Variants in TSBP1 observed in about 807,000 individuals in gnomAD.
The protein encoded by TSBP1 is testis expressed basic protein 1.
TSBP1 carries 56 observed loss-of-function variants against 68.8 expected under a neutral mutation model. The ratio of observed to expected loss-of-function variants is 0.81; its 90% confidence interval spans 0.66 to 1.02. The LOEUF (loss-of-function observed/expected upper bound fraction) is 1.02. Ranked by LOEUF, TSBP1 falls within the 50% of genes least tolerant of loss-of-function variation. The pLI, the probability that TSBP1 is intolerant of heterozygous loss-of-function variation, is 0.00. For synonymous variants in TSBP1, 171 were observed against 208.7 expected, an observed-to-expected ratio of 0.82 and a Z score of 1.56; for missense variants, 502 against 641.2, an observed-to-expected ratio of 0.78 and a Z score of 2.34.
intron 19 of TSBP1, among the ~76,000 whole-genome samples, chr6:32,312,585 G>A (rs567656632): frequency 6.6e-6 from 1 of 152,292 alleles, no homozygotes; most frequent in East Asian, 1.9e-4. Context: ...AGTCCTAAAT[G>A]TTCCAGGCAT....
At chr6:32,356,141 A>G (rs1772298768) in intron 6 of TSBP1, among the ~76,000 whole-genome samples, 1 of 152,248 alleles carries the variant, frequency 6.6e-6, no homozygotes, top group Non-Finnish European at 1.5e-5. Flanking sequence ...AGCAAATTAC[A>G]TGGAAAACTA....
At chr6:32,293,088 T>C (rs1301289558) in exon 23 of TSBP1, 1 of 1,609,980 alleles carries the variant, frequency 6.2e-7, no homozygotes, top group East Asian at 2.2e-5. Context: ...CCTTTAACTT[T>C]GTCCTTTCCT....
At chr6:32,327,210 G>A (rs934064621) in intron 16 of TSBP1, among the ~76,000 whole-genome samples, 2 of 152,204 alleles carry the variant, frequency 1.3e-5, no homozygotes, top group Non-Finnish European at 2.9e-5. Context: ...AGACAGAAAT[G>A]AGCAGAGAGG....
chr6:32,300,165 G>C (rs936007489), intron 21 of TSBP1, among the ~76,000 whole-genome samples: 1 of 151,970 alleles, frequency 6.6e-6, no homozygotes, highest in Non-Finnish European at 1.5e-5. Context: ...ATCTTGGGTA[G>C]GTAAAATCAC....
At chr6:32,311,316 A>AAT (rs1766378973) in intron 19 of TSBP1, among the ~76,000 whole-genome samples, 1 of 152,166 alleles carries the variant, frequency 6.6e-6, no homozygotes, top group Non-Finnish European at 1.5e-5. Flanking sequence ...TTCAGACTCA[A>AAT]ATATTTAATT....
At chr6:32,326,093 G>A (rs1768192857) in intron 16 of TSBP1, 1 of 1,405,394 alleles carries the variant, frequency 7.1e-7, no homozygotes, top group Non-Finnish European at 1.0e-6. Flanking sequence ...GGTGGTGGAG[G>A]CCAATACTTT....
chr6:32,353,242 AG>A (rs1397042282), intron 8 of TSBP1, among the ~76,000 whole-genome samples: 1 of 151,998 alleles, frequency 6.6e-6, no homozygotes. Flanking sequence ...AGAGCACAGC[AG>A]GGTGGCTAGA....
At chr6:32,355,581 C>A in intron 7 of TSBP1, 68 bp downstream of exon 7, 1 of 1,565,466 alleles carries the variant, frequency 6.4e-7, no homozygotes, top group Non-Finnish European at 8.7e-7. Flanking sequence ...TCCTCCAAAG[C>A]ATTTACAATC....
exon 23 of TSBP1, chr6:32,293,235 C>T: frequency 6.2e-7 from 1 of 1,612,826 alleles, no homozygotes; most frequent in Non-Finnish European, 8.5e-7. Context: ...CCTTTTAGTA[C>T]ACCTGACTCA....
intron 8 of TSBP1, among the ~76,000 whole-genome samples, chr6:32,353,244 G>C (rs1204298462): frequency 6.6e-6 from 1 of 151,790 alleles, no homozygotes; most frequent in African/African-American, 2.4e-5. Context: ...AGCACAGCAG[G>C]GTGGCTAGAT....
At chr6:32,301,132 G>A (rs1157272588) in intron 20 of TSBP1, among the ~76,000 whole-genome samples, 4 of 151,914 alleles carry the variant, frequency 2.6e-5, no homozygotes, top group Non-Finnish European at 4.4e-5. Flanking sequence ...GGGTTCAAGC[G>A]ATCCTCCAGT....
Position 32,361,151 on chromosome 6 carries a change from T to C in TSBP1, c.217+5016A>G, listed in dbSNP as rs1425260056. Among the ~76,000 whole-genome samples the C allele has an allele frequency of 1.7e-4, 26 of 152,166 alleles. No individual in the cohort carries two copies. ...AGTGTTTGGTTTTCTGTCCTTGCAA[T>C]AGTTTGCTGAGAATGATGGTTTCCA... On this transcript the variant is annotated intron_variant, in intron 6 of 22. Transcript: ENST00000612031. The surrounding 1 kb of genome is among the most constrained non-coding windows in gnomAD (Gnocchi z 4.3).
Position 32,292,703 on chromosome 6 carries a change from A to G in TSBP1, c.*278T>C. On this transcript the variant is annotated 3_prime_UTR_variant, in exon 23 of 23. Transcript: ENST00000612031. This position sits in a 1 kb window ranked among gnomAD's most constrained non-coding sequence, Gnocchi z 4.1. ...GACATACTTGTCAAAGGAAATTACT[A>G]TATATTTCTTTAATTAAAATGTTTT... 2.4e-6 allele frequency: 1 copy of G among 410,466 alleles called. No homozygotes were observed. The highest frequency in any genetic ancestry group is 5.2e-5 in the South Asian group (1 of 19,076). The allele number at this position is 410,466 out of a possible 1,614,324, so 25.4% of individuals were successfully genotyped here.
At chr6:32,311,479 G>A (rs987348136) in intron 19 of TSBP1, among the ~76,000 whole-genome samples, 1 of 152,168 alleles carries the variant, frequency 6.6e-6, no homozygotes, top group Non-Finnish European at 1.5e-5. Flanking sequence ...GGTGAGACAA[G>A]CCCTCAGGAG....
At chr6:32,308,384 G>T (rs1384406923) in intron 19 of TSBP1, among the ~76,000 whole-genome samples, 2 of 151,086 alleles carry the variant, frequency 1.3e-5, no homozygotes, top group African/African-American at 4.9e-5. Context: ...GGATCACGAG[G>T]TCAGGAGATC....
chr6:32,308,833 A>G (rs1766058385), intron 19 of TSBP1, among the ~76,000 whole-genome samples: 1 of 151,992 alleles, frequency 6.6e-6, no homozygotes, highest in Non-Finnish European at 1.5e-5. Flanking sequence ...TTGTCAAATT[A>G]TCTTAGTTCA....
chr6:32,318,635 A>C (rs538177474), intron 18 of TSBP1, among the ~76,000 whole-genome samples: 28 of 152,326 alleles, frequency 1.8e-4, no homozygotes, highest in African/African-American at 6.7e-4. Context: ...AAATGGAAGA[A>C]GCCAGGCACA....
intron 7 of TSBP1, 77 bp downstream of exon 7, chr6:32,355,572 C>T: frequency 1.3e-6 from 2 of 1,547,678 alleles, no homozygotes; most frequent in Non-Finnish European, 1.8e-6. Context: ...ATTTCTCTTT[C>T]CTCCAAAGCA....
intron 19 of TSBP1, among the ~76,000 whole-genome samples, chr6:32,313,050 C>T (rs1766569263): frequency 6.6e-6 from 1 of 152,188 alleles, no homozygotes; most frequent in African/African-American, 2.4e-5. Context: ...TTAAGGACTG[C>T]AGGGCCCGAC....
Sources: allele counts gnomAD v4.1 joint callset (sites outside exome capture counted in the v4.1 genomes callset), GRCh38; gene constraint gnomAD v4.1.1; non-coding constraint Gnocchi (gnomAD v3.1); transcripts MANE v1.5; gene names NCBI Gene and HGNC (gene_info 2026-07-23, HGNC 2026-07-21).